The following ELMO1 variants were observed in gnomAD, a reference collection of about 807,000 sequenced individuals.
ELMO1 encodes engulfment and cell motility 1.
A neutral mutation model predicts 98.9 loss-of-function variants in ELMO1; 26 were observed. The observed-to-expected ratio is 0.26, with a 90% CI of 0.19 to 0.36. The LOEUF (loss-of-function observed/expected upper bound fraction) is 0.36. Ranked by LOEUF, ELMO1 falls within the 10% of genes least tolerant of loss-of-function variation. The pLI, the probability that ELMO1 is intolerant of heterozygous loss-of-function variation, is 1.00. For synonymous variants in ELMO1, 346 were observed against 346.0 expected (o/e 1.00, Z 0.00); for missense variants, 627 against 935.2 (o/e 0.67, Z 4.30).
Position 37,216,922 on chromosome 7 carries a change from C to A in ELMO1, c.781-227G>T, listed in dbSNP as rs548839876. Among the ~76,000 whole-genome samples the A allele has an allele frequency of 4.9e-4, 75 of 152,280 alleles. No homozygotes were observed. In the Middle Eastern group the frequency reaches 0.01, roughly 21 times the overall value. On this transcript the variant is annotated intron_variant, in intron 10 of 21. Coordinates refer to ENST00000310758, the MANE Select transcript of ELMO1 (RefSeq NM_014800.11). ...GCAAAGGAAAGATATCTGGCACCTG[C>A]AAACTTCTTTTCTTTAGGAATTTCT...
intron 4 of ELMO1, among the ~76,000 whole-genome samples, chr7:37,303,687 C>T (rs1050274965): frequency 6.6e-6 from 1 of 152,170 alleles, no homozygotes; most frequent in Non-Finnish European, 1.5e-5. Context: ...AGGAAACCCA[C>T]GTGTCACTCA....
chr7:37,018,188 G>A (rs1048225044), intron 15 of ELMO1, among the ~76,000 whole-genome samples: 9 of 151,178 alleles, frequency 6.0e-5, no homozygotes, highest in Non-Finnish European at 1.3e-4. Context: ...GAGCAATGGC[G>A]TGATCTCAGC....
At chr7:37,048,812 T>A (rs1795939616) in intron 15 of ELMO1, among the ~76,000 whole-genome samples, 2 of 152,176 alleles carry the variant, frequency 1.3e-5, no homozygotes, top group Non-Finnish European at 2.9e-5. Flanking sequence ...AGGGCCTAGG[T>A]ACCTGCAGTA....
intron 2 of ELMO1, among the ~76,000 whole-genome samples, chr7:37,325,160 T>C (rs1475277898): frequency 6.6e-6 from 1 of 152,196 alleles, no homozygotes. Context: ...GAAAATCCAA[T>C]TCCTCCTTCT....
chr7:37,014,006 C>G (rs1175824600), intron 15 of ELMO1, among the ~76,000 whole-genome samples: 2 of 152,184 alleles, frequency 1.3e-5, no homozygotes, highest in Non-Finnish European at 2.9e-5. Context: ...TTTCCAGGCA[C>G]AGATGGCTGG....
At chr7:37,113,455 A>T (rs968058495) in intron 14 of ELMO1, among the ~76,000 whole-genome samples, 2 of 152,262 alleles carry the variant, frequency 1.3e-5, no homozygotes, top group Admixed American at 6.5e-5. Context: ...GTAGACAGGG[A>T]GCAAGAGGAT....
At chr7:37,085,811 C>T (rs78773825) in intron 15 of ELMO1, among the ~76,000 whole-genome samples, 2,694 of 152,244 alleles carry the variant, frequency 0.018, 76 homozygotes, top group African/African-American at 0.06. Context: ...AAATGGCCTC[C>T]GTCATTGATT....
chr7:37,059,115 C>T (rs1796539769), intron 15 of ELMO1, among the ~76,000 whole-genome samples: 1 of 152,164 alleles, frequency 6.6e-6, no homozygotes, highest in Non-Finnish European at 1.5e-5. Flanking sequence ...CAGTGAACTA[C>T]CCTGAGATGG....
chr7:37,288,222 A>AGT (rs72494924), intron 4 of ELMO1, among the ~76,000 whole-genome samples: 52,405 of 145,504 alleles, frequency 0.36, 10,306 homozygotes, highest in Middle Eastern at 0.55. Context: ...GGCCTCCCAA[A>AGT]GTGTCACTTT....
At chr7:37,235,157 G>A (rs6942418) in intron 7 of ELMO1, among the ~76,000 whole-genome samples, 8,773 of 152,190 alleles carry the variant, frequency 0.058, 359 homozygotes, top group African/African-American at 0.11. Context: ...AGAGTATTGA[G>A]TAAGGTTAAA....
At position 36,915,183 on chromosome 7, in the gene ELMO1, A is replaced by C. The variant is rs138388810; in HGVS notation, c.1438-20166T>G. Among the ~76,000 whole-genome samples the C allele has an allele frequency of 6.3e-3, 962 of 152,232 alleles. 8 individuals are homozygous for C. The highest frequency in any genetic ancestry group is 0.011 in the Non-Finnish European group (733 of 68,002). On this transcript the variant is annotated intron_variant, in intron 16 of 21. Coordinates refer to ENST00000310758, the MANE Select transcript of ELMO1 (RefSeq NM_014800.11). Reference sequence around the variant, plus strand: ...TTCAAGTGAGCCAATCTTTCTGCCCAGCCCCCTGAGGAGCTGGGATTACAG... The same window carrying C: ...TTCAAGTGAGCCAATCTTTCTGCCCCGCCCCCTGAGGAGCTGGGATTACAG...
rs376310796 is a variant in ELMO1 at position 36,920,781 on chromosome 7, T to G, written c.1438-25764A>C. 2.0e-4 allele frequency among the ~76,000 whole-genome samples: 31 copies of G among 152,238 alleles called. No individual in the cohort carries two copies. In the East Asian group the frequency reaches 2.9e-3, roughly 14 times the overall value. On this transcript the variant is annotated intron_variant, in intron 16 of 21. Coordinates refer to ENST00000310758, the MANE Select transcript of ELMO1 (RefSeq NM_014800.11). ...GTGTCTCCTGAAATGCCGTCTTGCT[T>G]GAAAAGTCCTTCTTAACTCTCCCAC... is the stretch of plus-strand genomic sequence containing the variant.
chr7:37,250,446 T>G (rs2541078), intron 6 of ELMO1, among the ~76,000 whole-genome samples: 58,782 of 151,988 alleles, frequency 0.39, 12,357 homozygotes, highest in African/African-American at 0.56. Context: ...CACTACAAAT[T>G]ATTCTTATTT....
At chr7:36,940,621 A>G (rs183170628) in intron 16 of ELMO1, among the ~76,000 whole-genome samples, 5 of 152,354 alleles carry the variant, frequency 3.3e-5, no homozygotes, top group African/African-American at 1.2e-4. Flanking sequence ...GTGAATATTG[A>G]GTATAGTAAT....
At chr7:37,369,755 AT>A (rs1431635080) in intron 1 of ELMO1, among the ~76,000 whole-genome samples, 1 of 151,878 alleles carries the variant, frequency 6.6e-6, no homozygotes, top group African/African-American at 2.4e-5. Context: ...ATAAGAAAAA[AT>A]ATAACAAAAA....
chr7:37,344,052 G>A (rs1370017684), intron 1 of ELMO1, among the ~76,000 whole-genome samples: 2 of 24,548 alleles, frequency 8.1e-5, no homozygotes, highest in Non-Finnish European at 2.1e-4. Context: ...TTTTTTTTGA[G>A]ACAGAGTCTC....
chr7:36,975,747 T>C (rs1405316216), intron 16 of ELMO1, among the ~76,000 whole-genome samples: 2 of 147,764 alleles, frequency 1.4e-5, no homozygotes, highest in Non-Finnish European at 3.0e-5. Context: ...CTTGGGAGGC[T>C]AAGGCAGGAG....
At chr7:36,974,009 C>T (rs918488623) in intron 16 of ELMO1, among the ~76,000 whole-genome samples, 3 of 152,228 alleles carry the variant, frequency 2.0e-5, no homozygotes, top group Non-Finnish European at 2.9e-5. Context: ...GCCCGCCATG[C>T]CTGAGCCTCC....
intron 1 of ELMO1, among the ~76,000 whole-genome samples, chr7:37,347,864 A>C (rs1301922216): frequency 6.6e-6 from 1 of 152,164 alleles, no homozygotes; most frequent in Non-Finnish European, 1.5e-5. Context: ...GCTCTCCAGG[A>C]AAGATCAGCA....
Sources: gnomAD v4.1 joint callset for allele counts (sites outside exome capture counted in the v4.1 genomes callset) on GRCh38, gnomAD v4.1.1 for gene constraint, MANE v1.5 for transcripts, NCBI Gene and HGNC (gene_info 2026-07-23, HGNC 2026-07-21) for gene names.